Variants in MACROD2 observed in about 807,000 individuals in gnomAD.
MACROD2 encodes ADP-ribose glycohydrolase MACROD2.
In MACROD2, 36 loss-of-function variants were observed where a neutral mutation model predicts 70.4. The ratio of observed to expected loss-of-function variants is 0.51; its 90% CI spans 0.39 to 0.68. The LOEUF is 0.68. Ranked by LOEUF, MACROD2 falls within the 30% of genes least tolerant of loss-of-function variation. MACROD2 has a pLI of 0.00. For synonymous variants in MACROD2, 172 were observed against 178.8 expected, an observed-to-expected ratio of 0.96 and a Z score of 0.30; for missense variants, 496 against 538.4, an observed-to-expected ratio of 0.92 and a Z score of 0.78.
intron 3 of MACROD2, among the ~76,000 whole-genome samples, chr20:14,245,956 C>G (rs1043960750): frequency 4.6e-5 from 7 of 152,110 alleles, no homozygotes; most frequent in Non-Finnish European, 8.8e-5. Context: ...TGTAGTATTG[C>G]AAGTATTGTT....
intron 6 of MACROD2, among the ~76,000 whole-genome samples, chr20:15,295,915 A>C (rs1265142466): frequency 1.3e-5 from 2 of 152,266 alleles, no homozygotes; most frequent in East Asian, 3.9e-4. Context: ...AGAAAAATGC[A>C]AGTTAGCTCA....
intron 15 of MACROD2, among the ~76,000 whole-genome samples, chr20:16,040,450 T>C (rs1174492998): frequency 2.0e-5 from 3 of 152,042 alleles, no homozygotes; most frequent in Non-Finnish European, 4.4e-5. Context: ...TGTATGTATT[T>C]GTATTTACAA....
intron 4 of MACROD2, among the ~76,000 whole-genome samples, chr20:14,543,385 C>T (rs2085456070): frequency 6.6e-6 from 1 of 152,168 alleles, no homozygotes; most frequent in Non-Finnish European, 1.5e-5. Flanking sequence ...TCCCTGGTCT[C>T]TTTAAGTTTT....
intron 2 of MACROD2, among the ~76,000 whole-genome samples, chr20:14,081,070 C>T (rs1267452553): frequency 1.3e-5 from 2 of 152,192 alleles, no homozygotes; most frequent in Non-Finnish European, 1.5e-5. Context: ...ACCTGCGTAG[C>T]CCAGTTTCAG....
At chr20:15,540,764 C>T (rs916563747) in intron 8 of MACROD2, among the ~76,000 whole-genome samples, 2 of 152,066 alleles carry the variant, frequency 1.3e-5, no homozygotes, top group Admixed American at 1.3e-4. Flanking sequence ...AGAGTCGGTT[C>T]CATCACTTTC....
chr20:14,464,524 C>T (rs879653784), intron 3 of MACROD2, among the ~76,000 whole-genome samples: 1 of 152,004 alleles, frequency 6.6e-6, no homozygotes, highest in Non-Finnish European at 1.5e-5. Flanking sequence ...TTTTTTGTGT[C>T]TCTGTTTCCT....
chr20:15,540,257 A>G (rs1600558978), intron 8 of MACROD2, among the ~76,000 whole-genome samples: 2 of 152,206 alleles, frequency 1.3e-5, no homozygotes, highest in African/African-American at 4.8e-5. Context: ...CTAGCCTTAA[A>G]TGTCAATCTA....
intron 7 of MACROD2, among the ~76,000 whole-genome samples, chr20:15,455,474 A>G (rs994971268): frequency 6.6e-6 from 1 of 152,176 alleles, no homozygotes; most frequent in East Asian, 1.9e-4. Context: ...CAAGTAATAA[A>G]TGAAAACGTC....
intron 5 of MACROD2, among the ~76,000 whole-genome samples, chr20:14,965,367 CTTT>C (rs1424529670): frequency 6.7e-6 from 1 of 149,348 alleles, no homozygotes; most frequent in Non-Finnish European, 1.5e-5. Context: ...TATAGTTATA[CTTT>C]TTTGCTGTTT....
intron 5 of MACROD2, among the ~76,000 whole-genome samples, chr20:14,935,577 T>C (rs1385020163): frequency 6.6e-6 from 1 of 152,152 alleles, no homozygotes; most frequent in Non-Finnish European, 1.5e-5. Flanking sequence ...AATTTATCTT[T>C]GTCCAGAAAC....
intron 3 of MACROD2, among the ~76,000 whole-genome samples, chr20:14,112,001 A>G (rs977577913): frequency 6.6e-6 from 1 of 152,040 alleles, no homozygotes; most frequent in East Asian, 1.9e-4. Flanking sequence ...TGGTAGGTAC[A>G]TATATACACA....
intron 8 of MACROD2, among the ~76,000 whole-genome samples, chr20:15,737,894 AATGGATGATGGATGGATGGG>A (rs2051047678): frequency 6.8e-6 from 1 of 146,090 alleles, no homozygotes; most frequent in Non-Finnish European, 1.5e-5. Flanking sequence ...ATGGATGATG[AATGGATGATGGATGGATGGG>A]TGGATGAATG....
chr20:15,456,187 A>T (rs2046722847), intron 7 of MACROD2, among the ~76,000 whole-genome samples: 1 of 152,148 alleles, frequency 6.6e-6, no homozygotes, highest in African/African-American at 2.4e-5. Context: ...ATCTCTTTGA[A>T]CTACCTGATC....
chr20:15,151,115 T>G (rs1314261489), intron 5 of MACROD2, among the ~76,000 whole-genome samples: 1 of 152,034 alleles, frequency 6.6e-6, no homozygotes, highest in East Asian at 1.9e-4. Flanking sequence ...CGAGAAGATC[T>G]GGGAAGGAGT....
chr20:15,607,298 T>G (rs2048907067), intron 8 of MACROD2, among the ~76,000 whole-genome samples: 1 of 152,258 alleles, frequency 6.6e-6, no homozygotes, highest in African/African-American at 2.4e-5. Context: ...TTGTATAATT[T>G]GGCGTATTCA....
At chr20:14,346,027 GA>G in intron 3 of MACROD2, among the ~76,000 whole-genome samples, 1 of 140,026 alleles carries the variant, frequency 7.1e-6, no homozygotes, top group East Asian at 2.3e-4. Context: ...CTGGGAGGCA[GA>G]GCTTGCAGTG....
At chr20:14,751,358 A>G (rs2071867604) in intron 5 of MACROD2, among the ~76,000 whole-genome samples, 1 of 151,562 alleles carries the variant, frequency 6.6e-6, no homozygotes, top group South Asian at 2.1e-4. Context: ...ACAGCCATTT[A>G]AGACACACAG....
At chr20:15,988,065 A>G (rs964830074) in intron 15 of MACROD2, among the ~76,000 whole-genome samples, 4 of 152,158 alleles carry the variant, frequency 2.6e-5, no homozygotes, top group Non-Finnish European at 5.9e-5. Flanking sequence ...ACAGCTTCCA[A>G]ATTATGAACT....
intron 6 of MACROD2, among the ~76,000 whole-genome samples, chr20:15,327,948 T>G (rs1225492098): frequency 6.6e-6 from 1 of 152,120 alleles, no homozygotes; most frequent in African/African-American, 2.4e-5. Flanking sequence ...ATCACTATCC[T>G]TGTGGAGTTT....
Sources: gnomAD v4.1 joint callset for allele counts (sites outside exome capture counted in the v4.1 genomes callset) on GRCh38, gnomAD v4.1.1 for gene constraint, MANE v1.5 for transcripts, NCBI Gene and HGNC (gene_info 2026-07-23, HGNC 2026-07-21) for gene names.